PHC2: variants seen among roughly 807,000 people sequenced by gnomAD.
PHC2 encodes the protein polyhomeotic homolog 2, also known as polyhomeotic-like protein 2.
A neutral mutation model predicts 87.4 loss-of-function variants in PHC2; 29 were observed. The observed-to-expected ratio is 0.33, with a 90% CI of 0.25 to 0.45. The LOEUF is 0.45. Among genes scored for constraint, PHC2 ranks in the 20% least tolerant of loss-of-function variants. PHC2 has a pLI of 1.00. For missense variants in PHC2, 857 were observed against 1,136.7 expected (o/e 0.75, Z 3.54); for synonymous variants, 438 against 461.7 (o/e 0.95, Z 0.66).
At chr1:33,329,984 G>T in intron 13 of PHC2, 87 bp downstream of exon 13, 1 of 1,466,184 alleles carries the variant, frequency 6.8e-7, no homozygotes, top group African/African-American at 1.4e-5. Flanking sequence ...GAAGTCGGCA[G>T]CTGGAGGGGA....
chr1:33,334,306 A>AGG lies in PHC2; in HGVS notation c.1559-15_1559-14insCC, dbSNP rs554311939. 6.5e-5 allele frequency: 105 copies of AGG among 1,610,800 alleles called. No homozygotes were observed. The African/African-American group carries it at 1.3e-3, about 20-fold the overall frequency. On this transcript the variant is annotated splice_polypyrimidine_tract_variant and intron_variant, in intron 9 of 14. Transcript: ENST00000683057. The surrounding 1 kb of genome is among the most constrained non-coding windows in gnomAD (Gnocchi z 5.5). ...CCTGCCCTGTCTCTGCACGAGAGAG[A>AGG]GTAGGAAAACAAAGCAGGGGAGATC...
intron 9 of PHC2, chr1:33,346,802 A>T: frequency 2.0e-6 from 2 of 985,402 alleles, no homozygotes; most frequent in Non-Finnish European, 2.4e-6. Flanking sequence ...AGTTTAAGGC[A>T]GTGAGGTCAT....
intron 1 of PHC2, among the ~76,000 whole-genome samples, chr1:33,393,925 G>C (rs1012149493): frequency 6.6e-6 from 1 of 152,158 alleles, no homozygotes; most frequent in African/African-American, 2.4e-5. Context: ...TCCAACCTCT[G>C]ACATTCACAG....
intron 9 of PHC2, chr1:33,345,496 AAGG>A: frequency 4.2e-6 from 4 of 953,628 alleles, no homozygotes; most frequent in Non-Finnish European, 5.0e-6. Context: ...AATAATTTGG[AAGG>A]AGAAGGAAAC....
Position 33,368,136 on chromosome 1 carries a change from G to A in PHC2, c.663+400C>T, listed in dbSNP as rs1302512807. Among the ~76,000 whole-genome samples, 2 of 152,186 alleles carry A rather than the reference G, an allele frequency of 1.3e-5. No homozygotes were observed. The highest frequency in any genetic ancestry group is 6.5e-5 in the Admixed American group (1 of 15,282). ...TCCTAGCAGAGCAGGACACGTCTCT[G>A]CTCCCTCTTACATGTCATTTTTCTC... is the stretch of plus-strand genomic sequence containing the variant. On this transcript the variant is annotated intron_variant, in intron 6 of 14. Transcript: ENST00000683057. This position sits in a 1 kb window ranked among gnomAD's most constrained non-coding sequence, Gnocchi z 6.6.
Position 33,368,504 on chromosome 1 carries a change from C to A in PHC2, c.663+32G>T, listed in dbSNP as rs561049321. ...GTGCCCCTCTACAGGGGTGCCCACC[C>A]CCCTGCCCTCCCACAAGCATGGAGT... On this transcript the variant is annotated intron_variant, in intron 6 of 14. Coordinates refer to ENST00000683057, the MANE Select transcript of PHC2 (RefSeq NM_001385109.1). This position sits in a 1 kb window ranked among gnomAD's most constrained non-coding sequence, Gnocchi z 6.6. 17 of 1,243,268 alleles carry A rather than the reference C, an allele frequency of 1.4e-5. No individual in the cohort carries two copies. The East Asian group carries it at 4.0e-4, about 30-fold the overall frequency. The allele number at this position is 1,243,268 out of a possible 1,614,324, so 77.0% of individuals were successfully genotyped here.
At position 33,324,697 on chromosome 1, in the gene PHC2, G is replaced by C. The variant is rs1259828569; in HGVS notation, c.*168C>G. On this transcript the variant is annotated 3_prime_UTR_variant, in exon 15 of 15. Transcript: ENST00000683057. ...TCTGCCCCTCCCACAGAAATGAAAG[G>C]CCCCTGAGAGCCATGGAGGAGGTGC... 1 of 562,918 alleles carries C rather than the reference G, an allele frequency of 1.8e-6. No homozygotes were observed. The highest frequency in any genetic ancestry group is 3.0e-6 in the Non-Finnish European group (1 of 335,620). 34.9% of individuals were successfully genotyped at this position (562,918 alleles called of 1,614,324 possible).
At chr1:33,404,918 T>C (rs549307209) in intron 1 of PHC2, among the ~76,000 whole-genome samples, 2 of 152,304 alleles carry the variant, frequency 1.3e-5, no homozygotes, top group South Asian at 2.1e-4. Context: ...TAGTTGGTAA[T>C]GAAGACCCTA....
At chr1:33,338,455 G>A (rs775013878) in intron 9 of PHC2, among the ~76,000 whole-genome samples, 1 of 152,172 alleles carries the variant, frequency 6.6e-6, no homozygotes, top group Admixed American at 6.5e-5. Flanking sequence ...CAGCTACTTC[G>A]CTTTGCAGTC....
At chr1:33,409,292 G>A (rs919023001) in intron 1 of PHC2, among the ~76,000 whole-genome samples, 1 of 152,258 alleles carries the variant, frequency 6.6e-6, no homozygotes, top group Non-Finnish European at 1.5e-5. Flanking sequence ...CATTGGTAAG[G>A]ATTAGTAATT....
intron 1 of PHC2, among the ~76,000 whole-genome samples, chr1:33,430,583 G>A (rs948103405): frequency 2.0e-5 from 3 of 152,114 alleles, no homozygotes; most frequent in East Asian, 1.9e-4. Context: ...CAGGAGGGGG[G>A]TCGGTCCCCG....
intron 10 of PHC2, chr1:33,333,726 T>G: frequency 1.3e-5 from 3 of 233,850 alleles, no homozygotes; most frequent in Non-Finnish European, 2.5e-5. Flanking sequence ...CATTCAGAGG[T>G]TTTGGCATTC....
In PHC2 at chr1:33,356,273, A is replaced by ATG. The variant is rs1553185680; in HGVS notation, c.977-1021_977-1020insCA. 8.8e-3 allele frequency among the ~76,000 whole-genome samples: 835 copies of ATG among 94,450 alleles called. 13 individuals are homozygous for ATG. Among genetic ancestry groups the ATG allele is most frequent in the African/African-American group, 0.024 (645 of 26,890 alleles). 62.0% of individuals were successfully genotyped at this position (94,450 alleles called of 152,430 possible). A position where few individuals can be genotyped will look rare whatever the true frequency, so the allele number is the denominator to read the frequency against. Reference sequence around the variant, plus strand: ...CTTATATATATATATATATATATATATATGTATATATATATATATATTTAT... The same window carrying ATG: ...CTTATATATATATATATATATATATATGTATGTATATATATATATATATTTAT... On this transcript the variant is annotated intron_variant, in intron 7 of 14. Transcript: ENST00000683057.
At chr1:33,384,275 C>T (rs913165728) in intron 1 of PHC2, among the ~76,000 whole-genome samples, 1 of 152,160 alleles carries the variant, frequency 6.6e-6, no homozygotes, top group African/African-American at 2.4e-5. Context: ...TTCTCACAGC[C>T]TTCTGGGAGA....
chr1:33,357,385 G>A (rs897856728), intron 7 of PHC2, among the ~76,000 whole-genome samples: 1 of 152,144 alleles, frequency 6.6e-6, no homozygotes, highest in African/African-American at 2.4e-5. Flanking sequence ...CCAGCCCAAC[G>A]TGAAATTCCA....
intron 5 of PHC2, 129 bp downstream of exon 5, chr1:33,370,292 T>TC: frequency 1.2e-6 from 1 of 838,362 alleles, no homozygotes. Flanking sequence ...CCCTTCTTTA[T>TC]CCCACCCCTT....
chr1:33,430,865 C>A (rs1027079165), intron 1 of PHC2, 111 bp downstream of exon 1: 1 of 150,406 alleles, frequency 6.6e-6, no homozygotes, highest in Non-Finnish European at 1.5e-5. Flanking sequence ...CCGGCCCGAC[C>A]GTGACAGCTG....
Position 33,368,760 on chromosome 1 carries a change from C to A in PHC2, c.577-138G>T. 1 of 694,658 alleles carries A rather than the reference C, an allele frequency of 1.4e-6. No individual in the cohort carries two copies. Among genetic ancestry groups the A allele is most frequent in the Non-Finnish European group, 2.6e-6 (1 of 388,420 alleles). The allele number at this position is 694,658 out of a possible 1,614,324, so 43.0% of individuals were successfully genotyped here. ...TCAGCCACAGGACACAACTGTTTAG[C>A]CCAGGAGCGGCTATGAGGAAGGGCA... On this transcript the variant is annotated intron_variant, in intron 5 of 14. Coordinates refer to ENST00000683057, the MANE Select transcript of PHC2 (RefSeq NM_001385109.1). The surrounding 1 kb of genome is among the most constrained non-coding windows in gnomAD (Gnocchi z 6.6).
At chr1:33,326,838 G>A (rs1253787998) in intron 14 of PHC2, among the ~76,000 whole-genome samples, 1 of 152,124 alleles carries the variant, frequency 6.6e-6, no homozygotes, top group Non-Finnish European at 1.5e-5. Flanking sequence ...TGTAATCCCA[G>A]CTACTCAAGA....
Sources: gnomAD v4.1 joint callset for allele counts (sites outside exome capture counted in the v4.1 genomes callset) on GRCh38, gnomAD v4.1.1 for gene constraint, Gnocchi (gnomAD v3.1) non-coding constraint, MANE v1.5 for transcripts, NCBI Gene and HGNC (gene_info 2026-07-23, HGNC 2026-07-21) for gene names.